ATAD2B: variants seen among roughly 807,000 people sequenced by gnomAD.
The protein encoded by ATAD2B is ATPase family AAA domain containing 2B, also known as ATPase family AAA domain-containing protein 2B.
Under a neutral mutation model 167.6 loss-of-function variants are expected in ATAD2B, and 40 were observed. The ratio of observed to expected loss-of-function variants is 0.24; its 90% CI spans 0.19 to 0.31. The LOEUF is 0.31. Ranked by LOEUF, ATAD2B falls within the 10% of genes least tolerant of loss-of-function variation. The probability of loss-of-function intolerance (pLI) is 1.00; values close to 1 mark genes in which losing one functional copy is unlikely to be tolerated. For missense variants in ATAD2B, 1,242 were observed against 1,757.2 expected, an observed-to-expected ratio of 0.71 and a Z score of 5.24; for synonymous variants, 579 against 596.5, an observed-to-expected ratio of 0.97 and a Z score of 0.43.
chr2:23,896,038 G>T, intron 1 of ATAD2B, 68 bp from the exon 2 acceptor site: 2 of 1,331,946 alleles, frequency 1.5e-6, no homozygotes, highest in South Asian at 1.4e-5. Flanking sequence ...AATACTAGGG[G>T]CCAGGCAGTG....
rs71402518 is a variant in ATAD2B at position 23,845,570 on chromosome 2, A to ATTTT, written c.1569-11496_1569-11493dup. On this transcript the variant is annotated intron_variant, in intron 13 of 27. Transcript: ENST00000238789. The stretch of plus-strand genomic sequence containing the variant: ...ATTTACTGTAAATGGGCATGCTGGA[A>ATTTT]TTTTTTTTTTTTTTTTTTTTTTTTT... Among the ~76,000 whole-genome samples, 86 of 87,674 alleles carry ATTTT rather than the reference A, an allele frequency of 9.8e-4. 3 individuals carry two copies. Among genetic ancestry groups the ATTTT allele is most frequent in the African/African-American group, 1.3e-3 (26 of 20,396 alleles). The allele number at this position is 87,674 out of a possible 152,430, so 57.5% of individuals were successfully genotyped here. A position where few individuals can be genotyped will look rare whatever the true frequency, so the allele number is the denominator to read the frequency against.
intron 25 of ATAD2B, 114 bp from the exon 26 acceptor site, chr2:23,754,888 G>A (rs932323720): frequency 4.2e-5 from 47 of 1,108,562 alleles, no homozygotes; most frequent in Non-Finnish European, 5.4e-5. Context: ...ATGAGGAAGG[G>A]TGTATTCTTA....
chr2:23,743,577 A>G, the ATAD2B span, among the ~76,000 whole-genome samples: 15,060 of 150,468 alleles, frequency 0.1, 857 homozygotes, highest in Middle Eastern at 0.17. Flanking sequence ...AAAAAAAAAA[A>G]AGAGAGAGAG....
rs961454285 is a variant in ATAD2B, at chr2:23,892,789, T to C, written c.368+3030A>G. 2.6e-5 allele frequency among the ~76,000 whole-genome samples: 4 copies of C among 152,278 alleles called. No homozygotes were observed. In the South Asian group the frequency reaches 8.3e-4, roughly 32 times the overall value. On this transcript the variant is annotated intron_variant, in intron 2 of 27. Coordinates refer to ENST00000238789, the MANE Select transcript of ATAD2B (RefSeq NM_017552.4). Reference sequence around the variant, plus strand: ...CCAGCCAAGTGTACAGTAAGTCTTATGAAAATTTCAATTTGTCTGTATCTT... The same window carrying C: ...CCAGCCAAGTGTACAGTAAGTCTTACGAAAATTTCAATTTGTCTGTATCTT...
At chr2:23,863,109 C>A (rs1023645425) in intron 12 of ATAD2B, among the ~76,000 whole-genome samples, 3 of 152,120 alleles carry the variant, frequency 2.0e-5, no homozygotes, top group Non-Finnish European at 2.9e-5. Context: ...GAGTTCGAGA[C>A]CAGCTGGCCA....
the ATAD2B span, among the ~76,000 whole-genome samples, chr2:23,722,137 G>A: frequency 3.9e-5 from 6 of 152,134 alleles, no homozygotes; most frequent in Admixed American, 3.3e-4. Context: ...AAAATTGGAA[G>A]AGGCAACTTT....
chr2:23,771,545 T>A (rs1268813806), intron 22 of ATAD2B, among the ~76,000 whole-genome samples: 1 of 152,220 alleles, frequency 6.6e-6, no homozygotes, highest in Admixed American at 6.5e-5. Context: ...GATAGTCTGC[T>A]GACCCCTGGT....
chr2:23,915,739 G>C (rs1425438244), intron 1 of ATAD2B, among the ~76,000 whole-genome samples: 1 of 151,596 alleles, frequency 6.6e-6, no homozygotes, highest in Non-Finnish European at 1.5e-5. Flanking sequence ...TTACAAGCAC[G>C]TGCCACCAAG....
chr2:23,767,173 GACTCATTCCGATTACCTACTCCACCCTA>G (rs1264776051), intron 22 of ATAD2B, among the ~76,000 whole-genome samples: 4 of 152,054 alleles, frequency 2.6e-5, no homozygotes, highest in Admixed American at 2.0e-4. Context: ...GCTCCACCCT[GACTCATTCCGATTACCTACTCCACCCTA>G]ACTCATTCCT....
chr2:23,865,276 C>T (rs896766887), intron 10 of ATAD2B, among the ~76,000 whole-genome samples: 2 of 152,082 alleles, frequency 1.3e-5, no homozygotes, highest in Non-Finnish European at 1.5e-5. Context: ...CACTTGTAAT[C>T]CCAGCACTTT....
At chr2:23,775,644 G>C (rs1002442475) in intron 22 of ATAD2B, among the ~76,000 whole-genome samples, 2 of 152,174 alleles carry the variant, frequency 1.3e-5, no homozygotes, top group Non-Finnish European at 2.9e-5. Flanking sequence ...TCCCAGTAGA[G>C]GCGATACATT....
chr2:23,693,628 C>T, the ATAD2B span: 6 of 1,228,454 alleles, frequency 4.9e-6, no homozygotes, highest in East Asian at 1.3e-4. Context: ...CCTTCCTTGT[C>T]CTGCTCTCCC....
chr2:23,858,401 G>A (rs1475082088), intron 12 of ATAD2B, among the ~76,000 whole-genome samples: 3 of 151,132 alleles, frequency 2.0e-5, no homozygotes, highest in South Asian at 4.2e-4. Context: ...GATTACAGGC[G>A]TGAGCCACCG....
chr2:23,768,595 C>A (rs926297350), intron 22 of ATAD2B, among the ~76,000 whole-genome samples: 6 of 151,820 alleles, frequency 4.0e-5, no homozygotes, highest in Admixed American at 1.3e-4. Flanking sequence ...AGACAATGAG[C>A]ATATCTATCA....
Position 23,880,726 on chromosome 2 carries a change from C to A in ATAD2B, c.814G>T (p.Val272Phe). The change falls in exon 7 of 28, where the codon GTT (valine) becomes TTT (phenylalanine). Residue 272 changes from valine (V) to phenylalanine (F), a missense_variant. Around this residue, in one of 9 missense-constraint regions of ATAD2B, gnomAD observed 99 missense variants for 160.4 expected, o/e 0.62. Coordinates refer to ENST00000238789, the MANE Select transcript of ATAD2B (RefSeq NM_017552.4). ...TTTTCTTCTCCTTCTGCCTCTTCAA[C>A]TTCTATATCTCCATCCTCCTCTTGA... ...ESQEEDGDIE[V>F]EEAEGEENDR... is the part of the protein sequence containing the mutation. 6.2e-7 allele frequency: 1 copy of A among 1,607,346 alleles called. No homozygotes were observed. The highest frequency in any genetic ancestry group is 8.5e-7 in the Non-Finnish European group (1 of 1,175,540).
At chr2:23,710,142 TAAG>T in the ATAD2B span, among the ~76,000 whole-genome samples, 6 of 149,866 alleles carry the variant, frequency 4.0e-5, no homozygotes, top group African/African-American at 9.7e-5. Flanking sequence ...ATAGCCAAAA[TAAG>T]AAGAGAACAG....
intron 12 of ATAD2B, among the ~76,000 whole-genome samples, chr2:23,858,682 T>C (rs1240103757): frequency 2.0e-5 from 3 of 150,970 alleles, no homozygotes; most frequent in Non-Finnish European, 4.4e-5. Context: ...GAGTTCTCAC[T>C]ATGTTGCCCG....
At chr2:23,790,909 A>G (rs772265349) in intron 19 of ATAD2B, among the ~76,000 whole-genome samples, 15 of 152,204 alleles carry the variant, frequency 9.9e-5, no homozygotes, top group Non-Finnish European at 2.2e-4. Flanking sequence ...AGCACATTTT[A>G]GAACATTTCC....
intron 22 of ATAD2B, among the ~76,000 whole-genome samples, chr2:23,770,076 G>A (rs1007121381): frequency 2.3e-4 from 35 of 151,564 alleles, no homozygotes; most frequent in Non-Finnish European, 3.8e-4. Context: ...TTGGAAGGCC[G>A]AGGCGGGCGG....
Sources: gnomAD v4.1 joint callset for allele counts (sites outside exome capture counted in the v4.1 genomes callset) on GRCh38, gnomAD v4.1.1 for gene constraint, gnomAD v4.1.1 regional missense constraint, MANE v1.5 for transcripts, NCBI Gene and HGNC (gene_info 2026-07-23, HGNC 2026-07-21) for gene names.